Variants in RMC1 observed in about 807,000 individuals in gnomAD.
RMC1 encodes regulator of MON1-CCZ1 complex.
RMC1 carries 44 observed loss-of-function variants against 95.5 expected under a neutral mutation model. That is an observed-to-expected ratio of 0.46 (90% CI 0.36 to 0.59). The LOEUF (loss-of-function observed/expected upper bound fraction) is 0.59, where lower values mean the gene tolerates loss of function less well. Ranked by LOEUF, RMC1 falls within the 20% of genes least tolerant of loss-of-function variation. RMC1 has a pLI of 0.00. For missense variants in RMC1, 705 were observed against 819.6 expected (o/e 0.86, Z 1.71); for synonymous variants, 320 against 303.6 (o/e 1.05, Z -0.56).
intron 2 of RMC1, among the ~76,000 whole-genome samples, chr18:23,505,255 T>G (rs1327270558): frequency 1.3e-5 from 2 of 152,120 alleles, no homozygotes; most frequent in Non-Finnish European, 2.9e-5. Flanking sequence ...GAGATGGGGT[T>G]TCACCGTGTT....
At chr18:23,524,233 G>GT (rs2058228428) in intron 11 of RMC1, 59 bp downstream of exon 11, 7 of 1,597,584 alleles carry the variant, frequency 4.4e-6, no homozygotes, top group Non-Finnish European at 6.0e-6. Context: ...CCCTCAGAGA[G>GT]TGGTCCTGAA....
In RMC1 at chr18:23,526,776, T is replaced by A. The variant is rs2058309580; in HGVS notation, c.1189+11T>A. The A allele has an allele frequency of 6.2e-7, 1 of 1,613,266 alleles. No homozygotes were observed. The highest frequency in any genetic ancestry group is 1.7e-4 in the Middle Eastern group (1 of 6,060). On this transcript the variant is annotated intron_variant, in intron 13 of 19. Transcript: ENST00000269221. ...CTGTCTGTTCACAGAGTAAGTTGAATCCTTCCCCCTTGCTCTGATTCCAGT... is the reference window on the plus strand; with the variant it reads ...CTGTCTGTTCACAGAGTAAGTTGAAACCTTCCCCCTTGCTCTGATTCCAGT...
At chr18:23,518,821 TG>T in intron 7 of RMC1, 68 bp from the exon 8 acceptor site, 2 of 1,388,084 alleles carry the variant, frequency 1.4e-6, no homozygotes, top group Non-Finnish European at 2.0e-6. Flanking sequence ...TACTTAACCG[TG>T]ATGCCATTTA....
chr18:23,506,108 A>C (rs2057708574), intron 2 of RMC1: 1 of 151,034 alleles, frequency 6.6e-6, no homozygotes, highest in South Asian at 2.1e-4. Flanking sequence ...CAGAGGTTGC[A>C]GTGAGCCGAG....
chr18:23,529,256 A>G lies in RMC1; in HGVS notation c.1374A>G (p.Ser458=). Residue 458 remains serine, a synonymous_variant, in exon 15 of 20, where the codon TCA becomes TCG. Coordinates refer to ENST00000269221, the MANE Select transcript of RMC1 (RefSeq NM_013326.5). ...GGACCCAGGCGGTGCTGGACCAGTC[A>G]GATGTGTACACCCATGTCCTGTCAG... ...PVRTQAVLDQ[S]DVYTHVLSAF... 1 of 1,614,070 alleles carries G rather than the reference A, an allele frequency of 6.2e-7. No individual in the cohort carries two copies. The highest frequency in any genetic ancestry group is 8.5e-7 in the Non-Finnish European group (1 of 1,180,038).
intron 11 of RMC1, 111 bp downstream of exon 11, chr18:23,524,285 C>T (rs1465986514): frequency 1.3e-6 from 2 of 1,495,262 alleles, no homozygotes; most frequent in Non-Finnish European, 1.9e-6. Context: ...CGAGAGCCAC[C>T]CCGCAGGCAG....
chr18:23,515,833 C>T (rs761134534), intron 5 of RMC1, 23 bp from the exon 6 acceptor site: 6 of 1,613,562 alleles, frequency 3.7e-6, no homozygotes, highest in Non-Finnish European at 5.1e-6. Flanking sequence ...AATGAAGATC[C>T]TGTTTCTTAA....
At chr18:23,512,790 T>C (rs897803645) in intron 5 of RMC1, among the ~76,000 whole-genome samples, 2 of 152,092 alleles carry the variant, frequency 1.3e-5, no homozygotes, top group Admixed American at 1.3e-4. Context: ...CTTAACTGTT[T>C]TTAAGTGTTC....
At position 23,529,299 on chromosome 18, in the gene RMC1, G is replaced by A; in HGVS notation, c.1416+1G>A. The A allele has an allele frequency of 2.5e-6, 4 of 1,606,912 alleles. No homozygotes were observed. The highest frequency in any genetic ancestry group is 3.4e-6 in the Non-Finnish European group (4 of 1,178,404). Reference sequence around the variant, plus strand: ...CCTGTCAGCCTTTGTGGAAAAGAAGGTGGGCTGCAGCTTTCCGCCTCTTCT... The same window carrying A: ...CCTGTCAGCCTTTGTGGAAAAGAAGATGGGCTGCAGCTTTCCGCCTCTTCT... On this transcript the variant is annotated splice_donor_variant, in intron 15 of 19. Coordinates refer to ENST00000269221, the MANE Select transcript of RMC1 (RefSeq NM_013326.5). LOFTEE classifies it high-confidence loss of function.
chr18:23,523,093 C>T (rs576230141), intron 10 of RMC1, among the ~76,000 whole-genome samples: 3 of 152,350 alleles, frequency 2.0e-5, no homozygotes, highest in South Asian at 2.1e-4. Context: ...GCTGTGCACT[C>T]GGCGCAGACC....
At chr18:23,512,025 T>A (rs1371954190) in intron 5 of RMC1, among the ~76,000 whole-genome samples, 3 of 150,716 alleles carry the variant, frequency 2.0e-5, no homozygotes, top group Non-Finnish European at 3.0e-5. Flanking sequence ...ACTTTTTTTT[T>A]TTTTTTTTTT....
At chr18:23,520,543 T>G (rs1473667953) in intron 10 of RMC1, among the ~76,000 whole-genome samples, 1 of 152,204 alleles carries the variant, frequency 6.6e-6, no homozygotes, top group Admixed American at 6.5e-5. Context: ...CACTACAGTC[T>G]CCACCTCCTG....
intron 10 of RMC1, 37 bp from the exon 11 acceptor site, chr18:23,524,093 G>T: frequency 6.2e-7 from 1 of 1,610,188 alleles, no homozygotes; most frequent in South Asian, 1.1e-5. Flanking sequence ...AGCATTTTCT[G>T]ACTGCATCGT....
In RMC1 at chr18:23,519,091, C is replaced by G; in HGVS notation, c.766C>G (p.His256Asp). Reference protein sequence around the residue: ...LPREGACKKMHILKLNRTGKF... With the variant: ...LPREGACKKMDILKLNRTGKF... ...CAGAGAAGGTGCCTGTAAAAAGATGCACATATTGAAGTTAAATAGGACGGG... is the reference window on the plus strand; with the variant it reads ...CAGAGAAGGTGCCTGTAAAAAGATGGACATATTGAAGTTAAATAGGACGGG... The change falls in exon 9 of 20, where the codon CAC becomes GAC. Residue 256 changes from histidine (H) to aspartate (D), a missense_variant. Transcript: ENST00000269221. 6.2e-7 allele frequency: 1 copy of G among 1,614,120 alleles called. No individual in the cohort carries two copies. The highest frequency in any genetic ancestry group is 1.1e-5 in the South Asian group (1 of 91,084).
In RMC1 at chr18:23,530,878, T is replaced by C. The variant is rs138877542; in HGVS notation, c.1894+266T>C. Among the ~76,000 whole-genome samples the C allele has an allele frequency of 1.6e-4, 24 of 152,286 alleles. No homozygotes were observed. In the East Asian group the frequency reaches 3.5e-3, roughly 22 times the overall value. ...CAGATCAGGCACAGCCCATCTCTTA[T>C]AGCAGATCTTGGAATATCTCTTAAA... On this transcript the variant is annotated intron_variant, in intron 19 of 19. Transcript: ENST00000269221.
Position 23,527,796 on chromosome 18 carries a change from G to A in RMC1, c.1191G>A (p.Met397Ile), listed in dbSNP as rs979061776. The change falls in exon 14 of 20, where the codon ATG becomes ATA. Residue 397 changes from methionine (M) to isoleucine (I), a missense_variant and splice_region_variant. Transcript: ENST00000269221. ...TGTGTGAACATTGTGCCTTTCCAGT[G>A]TTAAGTGAGTCAGACAGAGCATCGC... ...KMVILSVCSQ[M>I]LSESDRASLP... 1.6e-5 allele frequency: 26 copies of A among 1,613,558 alleles called. No individual in the cohort carries two copies. The highest frequency in any genetic ancestry group is 1.9e-5 in the Non-Finnish European group (23 of 1,179,640).
At chr18:23,518,774 G>T in intron 7 of RMC1, 116 bp from the exon 8 acceptor site, 1 of 867,684 alleles carries the variant, frequency 1.2e-6, no homozygotes, top group Non-Finnish European at 1.8e-6. Context: ...ACACTTGTTG[G>T]CAGCAAAATA....
At chr18:23,525,946 T>C (rs558198028) in intron 12 of RMC1, among the ~76,000 whole-genome samples, 38 of 152,334 alleles carry the variant, frequency 2.5e-4, no homozygotes, top group South Asian at 1.5e-3. Flanking sequence ...CTGTAACCCA[T>C]AGCCTCATGT....
intron 7 of RMC1, among the ~76,000 whole-genome samples, 185 bp from the exon 8 acceptor site, chr18:23,518,705 T>C (rs1206604137): frequency 6.6e-6 from 1 of 152,216 alleles, no homozygotes; most frequent in Non-Finnish European, 1.5e-5. Context: ...GTTTAGTGTG[T>C]GTTCTCTTTT....
Sources: allele counts gnomAD v4.1 joint callset (sites outside exome capture counted in the v4.1 genomes callset), GRCh38; gene constraint gnomAD v4.1.1; transcripts MANE v1.5; gene names NCBI Gene and HGNC (gene_info 2026-07-23, HGNC 2026-07-21).